Variants in DPYD observed in about 807,000 individuals in gnomAD.
The protein encoded by DPYD is dihydropyrimidine dehydrogenase [NADP(+)].
In DPYD, 109 loss-of-function variants were observed where a neutral mutation model predicts 116.2. The ratio of observed to expected loss-of-function variants is 0.94; its 90% CI spans 0.80 to 1.10. The LOEUF is 1.10. DPYD is among the 50% of genes least tolerant of loss of function. DPYD has a pLI of 0.00. For synonymous variants in DPYD, 440 were observed against 432.0 expected (o/e 1.02, Z -0.23); for missense variants, 1,302 against 1,254.5 (o/e 1.04, Z -0.57).
chr1:97,602,782 T>G (rs1655342158), intron 8 of DPYD, among the ~76,000 whole-genome samples: 1 of 151,736 alleles, frequency 6.6e-6, no homozygotes, highest in Admixed American at 6.6e-5. Context: ...ACAAACCCTT[T>G]GGACAAAAAA....
At chr1:97,297,551 A>G (rs1666608380) in intron 18 of DPYD, among the ~76,000 whole-genome samples, 1 of 152,212 alleles carries the variant, frequency 6.6e-6, no homozygotes, top group Non-Finnish European at 1.5e-5. Flanking sequence ...CAGTGCTAAC[A>G]GCAGGGACAC....
intron 10 of DPYD, among the ~76,000 whole-genome samples, chr1:97,585,167 T>C (rs1445921145): frequency 6.6e-6 from 1 of 152,130 alleles, no homozygotes; most frequent in Non-Finnish European, 1.5e-5. Context: ...CTGCACTATA[T>C]GTTGAGTCAG....
intron 5 of DPYD, among the ~76,000 whole-genome samples, chr1:97,715,721 C>G (rs1557903203): frequency 6.6e-6 from 1 of 152,040 alleles, no homozygotes; most frequent in African/African-American, 2.4e-5. Flanking sequence ...TATTTCCAAC[C>G]TCACTTTTCA....
intron 8 of DPYD, among the ~76,000 whole-genome samples, chr1:97,659,546 T>C (rs1384176465): frequency 6.6e-6 from 1 of 152,210 alleles, no homozygotes; most frequent in African/African-American, 2.4e-5. Context: ...TGAACTATTG[T>C]TCTTTAATAC....
At chr1:97,653,684 T>G (rs1658726250) in intron 8 of DPYD, among the ~76,000 whole-genome samples, 1 of 152,282 alleles carries the variant, frequency 6.6e-6, no homozygotes, top group South Asian at 2.1e-4. Context: ...TATATTTTCA[T>G]GAGACCAGTG....
Position 97,566,367 on chromosome 1 carries a change from A to G in DPYD, c.1339+7393T>C, listed in dbSNP as rs145929931. Among the ~76,000 whole-genome samples, 1,016 of 152,296 alleles carry G rather than the reference A, an allele frequency of 6.7e-3. 8 individuals are homozygous for G. Among genetic ancestry groups the G allele is most frequent in the Non-Finnish European group, 0.012 (791 of 68,026 alleles). ...AGGGGATTAGAATATATGATCTCTA[A>G]GGTCCTTCTAGCACATTCAGAAATA... On this transcript the variant is annotated intron_variant, in intron 11 of 22. Coordinates refer to ENST00000370192, the MANE Select transcript of DPYD (RefSeq NM_000110.4).
intron 20 of DPYD, among the ~76,000 whole-genome samples, chr1:97,115,113 C>T (rs1651872273): frequency 1.3e-5 from 2 of 152,166 alleles, no homozygotes; most frequent in Non-Finnish European, 1.5e-5. Context: ...CCAAAGAAGT[C>T]ATTACTGCTT....
chr1:97,096,545 G>A (rs949136130), intron 21 of DPYD, among the ~76,000 whole-genome samples: 70 of 152,086 alleles, frequency 4.6e-4, no homozygotes, highest in African/African-American at 1.7e-3. Flanking sequence ...TTTCTTACAA[G>A]AGGATTGTAA....
chr1:97,147,133 A>G (rs1400326992), intron 20 of DPYD, among the ~76,000 whole-genome samples: 1 of 152,156 alleles, frequency 6.6e-6, no homozygotes, highest in African/African-American at 2.4e-5. Context: ...GTGGACCATG[A>G]GGTCAAGAGA....
chr1:97,793,973 A>T (rs1667444863), intron 3 of DPYD, among the ~76,000 whole-genome samples: 1 of 152,150 alleles, frequency 6.6e-6, no homozygotes, highest in South Asian at 2.1e-4. Flanking sequence ...GTGTCACTCC[A>T]GTCGCCCAAG....
chr1:97,559,066 C>A lies in DPYD; in HGVS notation c.1340-9322G>T, dbSNP rs115688962. Among the ~76,000 whole-genome samples the A allele has an allele frequency of 8.5e-3, 1,298 of 152,126 alleles. 19 individuals are homozygous for A. Among genetic ancestry groups the A allele is most frequent in the African/African-American group, 0.029 (1,196 of 41,518 alleles). On this transcript the variant is annotated intron_variant, in intron 11 of 22. Coordinates refer to ENST00000370192, the MANE Select transcript of DPYD (RefSeq NM_000110.4). ...GATCATCCTTTAATCTGGTTTGGAC[C>A]ATAATCATTATAATTCTATGCACAT...
chr1:97,781,507 A>G (rs558306143), intron 3 of DPYD, among the ~76,000 whole-genome samples: 1 of 152,308 alleles, frequency 6.6e-6, no homozygotes, highest in South Asian at 2.1e-4. Flanking sequence ...CAACATCATT[A>G]AACCCTTCTT....
At position 97,658,761 on chromosome 1, in the gene DPYD, T is replaced by G. The variant is rs1314185997; in HGVS notation, c.850+20334A>C. On this transcript the variant is annotated intron_variant, in intron 8 of 22. Coordinates refer to ENST00000370192, the MANE Select transcript of DPYD (RefSeq NM_000110.4). ...CCTTTTCATCACTTTTCGTATTCAG[T>G]AGAATAAATGCCCAACTTTTCTAAC... 2.6e-5 allele frequency among the ~76,000 whole-genome samples: 4 copies of G among 152,242 alleles called. No individual in the cohort carries two copies. The East Asian group carries it at 7.7e-4, about 29-fold the overall frequency.
At chr1:97,320,366 A>T (rs1349811943) in intron 16 of DPYD, among the ~76,000 whole-genome samples, 1 of 82,578 alleles carries the variant, frequency 1.2e-5, no homozygotes, top group African/African-American at 4.1e-5. Context: ...CCTTAAGCTG[A>T]TAAGCAACTT....
At chr1:97,138,512 C>T (rs1003145889) in intron 20 of DPYD, among the ~76,000 whole-genome samples, 5 of 152,114 alleles carry the variant, frequency 3.3e-5, no homozygotes, top group African/African-American at 9.7e-5. Context: ...TAACTGAAAA[C>T]AGCAGGAAAT....
chr1:97,863,230 G>A (rs1218116506), intron 2 of DPYD, among the ~76,000 whole-genome samples: 1 of 151,818 alleles, frequency 6.6e-6, no homozygotes, highest in Non-Finnish European at 1.5e-5. Flanking sequence ...ATAAAGAAAT[G>A]CCATATGATC....
intron 13 of DPYD, among the ~76,000 whole-genome samples, chr1:97,511,552 T>C (rs575808826): frequency 2.0e-5 from 3 of 152,124 alleles, no homozygotes; most frequent in Non-Finnish European, 2.9e-5. Context: ...TTTATATTAA[T>C]ATTACTCTTA....
At chr1:97,254,468 T>A (rs751262316) in intron 18 of DPYD, among the ~76,000 whole-genome samples, 3 of 152,150 alleles carry the variant, frequency 2.0e-5, no homozygotes, top group Non-Finnish European at 4.4e-5. Flanking sequence ...ATTTAACCAT[T>A]TGTCCATTAA....
chr1:97,208,223 T>C, intron 19 of DPYD, among the ~76,000 whole-genome samples: 1 of 151,870 alleles, frequency 6.6e-6, no homozygotes, highest in Middle Eastern at 3.4e-3. Flanking sequence ...TCTCTTTGTT[T>C]CTTTTCTTTC....
Sources: allele counts gnomAD v4.1 joint callset (sites outside exome capture counted in the v4.1 genomes callset), GRCh38; gene constraint gnomAD v4.1.1; transcripts MANE v1.5; gene names NCBI Gene and HGNC (gene_info 2026-07-23, HGNC 2026-07-21).